DNAJC13: variants seen among roughly 807,000 people sequenced by gnomAD.
The protein encoded by DNAJC13 is DnaJ heat shock protein family (Hsp40) member C13.
DNAJC13 carries 75 observed loss-of-function variants against 290.5 expected under a neutral mutation model. The ratio of observed to expected loss-of-function variants is 0.26; its 90% CI spans 0.21 to 0.31. DNAJC13 has a LOEUF of 0.31. DNAJC13 is among the 10% of genes least tolerant of loss of function. The pLI, the probability that DNAJC13 is intolerant of heterozygous loss-of-function variation, is 1.00. For synonymous variants in DNAJC13, 862 were observed against 892.0 expected, an observed-to-expected ratio of 0.97 and a Z score of 0.60; for missense variants, 2,260 against 2,674.5, an observed-to-expected ratio of 0.85 and a Z score of 3.42.
At chr3:132,437,672 A>G (rs1939416677) in intron 2 of DNAJC13, among the ~76,000 whole-genome samples, 1 of 152,194 alleles carries the variant, frequency 6.6e-6, no homozygotes, top group Non-Finnish European at 1.5e-5. Flanking sequence ...TTGATCCTGT[A>G]TGCCTAACCT....
chr3:132,451,484 G>T (rs1356567251), intron 6 of DNAJC13, among the ~76,000 whole-genome samples: 1 of 152,084 alleles, frequency 6.6e-6, no homozygotes, highest in Non-Finnish European at 1.5e-5. Context: ...TATAACAGAA[G>T]CTACTTAAGG....
At chr3:132,454,336 T>G (rs1933518590) in intron 9 of DNAJC13, among the ~76,000 whole-genome samples, 179 bp downstream of exon 9, 1 of 144,980 alleles carries the variant, frequency 6.9e-6, no homozygotes. Context: ...TTTTTTTTTT[T>G]TTTGAGACAG....
Position 132,522,822 on chromosome 3 carries a change from G to A in DNAJC13, c.5674-6G>A, listed in dbSNP as rs369656958. 38 of 1,594,966 alleles carry A rather than the reference G, an allele frequency of 2.4e-5. No homozygotes were observed. Among genetic ancestry groups the A allele is most frequent in the African/African-American group, 2.0e-4 (15 of 73,752 alleles). On this transcript the variant is annotated splice_region_variant and splice_polypyrimidine_tract_variant and intron_variant, in intron 48 of 55. Transcript: ENST00000260818. ...GTCTTTTTCATTCTCAAACTTCCTC[G>A]TATAGGTTCGAATTACGTTAATGAA...
chr3:132,526,760 C>T (rs1489715819), intron 53 of DNAJC13, among the ~76,000 whole-genome samples: 2 of 152,082 alleles, frequency 1.3e-5, no homozygotes, highest in African/African-American at 4.8e-5. Context: ...CTAATGAAAA[C>T]TGGACTTGGT....
rs1934973764 is a variant in DNAJC13 at position 132,488,987 on chromosome 3, A to C, written c.3434A>C (p.Tyr1145Ser). 6.2e-7 allele frequency: 1 copy of C among 1,609,330 alleles called. No individual in the cohort carries two copies. The highest frequency in any genetic ancestry group is 1.3e-5 in the African/African-American group (1 of 74,820). Residue 1145 changes from tyrosine to serine, a missense_variant, in exon 31 of 56, where the codon TAC becomes TCC. Tyr to Ser is a moderately radical substitution (Grantham distance 144). This residue lies in a region of DNAJC13 where 1,494 missense variants were observed against 1,693.7 expected (regional missense o/e 0.88). Transcript: ENST00000260818. ...ATTTTTCTTTCTAGATTTTTGAAAT[A>C]CACACATACCAAACAGGCTTTCAAG... ...NVLPVARFLK[Y>S]THTKQAFKSE...
chr3:132,513,069 A>T lies in DNAJC13; in HGVS notation c.5355A>T (p.Gly1785=). ...KLIFSLLRVH[G]AGQVQQLALE... is the part of the protein sequence containing the mutation. ...TATTTTCTCTTCTCCGAGTTCATGG[A>T]GCTGGTCAAGTGCAGCAGTTGGCTT... Residue 1785 remains glycine (G), a synonymous_variant, in exon 45 of 56, where the codon GGA becomes GGT. Coordinates refer to ENST00000260818, the MANE Select transcript of DNAJC13 (RefSeq NM_015268.4). 6.2e-7 allele frequency: 1 copy of T among 1,613,350 alleles called. No homozygotes were observed.
At chr3:132,468,571 A>C (rs557337989) in intron 20 of DNAJC13, among the ~76,000 whole-genome samples, 1 of 152,308 alleles carries the variant, frequency 6.6e-6, no homozygotes, top group African/African-American at 2.4e-5. Context: ...TGAGTTGGTT[A>C]ACTTCTGAGC....
At chr3:132,431,771 G>C (rs948077511) in intron 1 of DNAJC13, among the ~76,000 whole-genome samples, 1 of 152,102 alleles carries the variant, frequency 6.6e-6, no homozygotes, top group Non-Finnish European at 1.5e-5. Flanking sequence ...GATAAAATAG[G>C]TATATCCATA....
chr3:132,529,649 T>C (rs1428589039), intron 54 of DNAJC13, among the ~76,000 whole-genome samples: 1 of 151,814 alleles, frequency 6.6e-6, no homozygotes, highest in African/African-American at 2.4e-5. Context: ...TAGCCAGGCG[T>C]GGTGGCAGGC....
intron 6 of DNAJC13, among the ~76,000 whole-genome samples, chr3:132,451,152 T>A (rs1052345305): frequency 6.6e-6 from 1 of 152,140 alleles, no homozygotes; most frequent in South Asian, 2.1e-4. Flanking sequence ...CCAAAAAGTT[T>A]CTAAGCTTTC....
intron 51 of DNAJC13, among the ~76,000 whole-genome samples, chr3:132,525,139 G>A (rs1367870606): frequency 1.3e-5 from 2 of 152,038 alleles, no homozygotes; most frequent in Non-Finnish European, 2.9e-5. Flanking sequence ...TCAGGAGTTC[G>A]AGACCAGCCT....
chr3:132,437,712 A>G (rs959787940), intron 2 of DNAJC13, among the ~76,000 whole-genome samples: 15 of 152,122 alleles, frequency 9.9e-5, no homozygotes, highest in African/African-American at 3.4e-4. Context: ...CTTGATTATT[A>G]TAGCTTTGTG....
At chr3:132,484,362 G>T in intron 28 of DNAJC13, 1 of 582,886 alleles carries the variant, frequency 1.7e-6, no homozygotes, top group Admixed American at 2.6e-5. Flanking sequence ...GGCTCTTCTA[G>T]GGTACTGTTT....
chr3:132,450,910 A>T, intron 6 of DNAJC13, 63 bp downstream of exon 6: 1 of 1,002,022 alleles, frequency 1.0e-6, no homozygotes, highest in Non-Finnish European at 1.4e-6. Context: ...AAGGAAAGCA[A>T]AGCTTTTTAT....
In DNAJC13 at chr3:132,440,790, G is replaced by A. The variant is rs529556469; in HGVS notation, c.69-5685G>A. Among the ~76,000 whole-genome samples, 9 of 152,158 alleles carry A rather than the reference G, an allele frequency of 5.9e-5. No homozygotes were observed. The East Asian group carries it at 7.7e-4, about 13-fold the overall frequency. On this transcript the variant is annotated intron_variant, in intron 2 of 55. Transcript: ENST00000260818. The stretch of plus-strand genomic sequence containing the variant: ...GAATTGATTCCCATTGTTAAGCAAC[G>A]CATGACTGTATGTATTATCCATATC...
At chr3:132,456,984 G>A (rs1311417474) in intron 12 of DNAJC13, 152 bp downstream of exon 12, 4 of 943,358 alleles carry the variant, frequency 4.2e-6, no homozygotes, top group Admixed American at 5.9e-5. Context: ...AAAAAGGAAG[G>A]TGAGGGCAGC....
intron 1 of DNAJC13, among the ~76,000 whole-genome samples, chr3:132,428,899 T>C (rs1478539501): frequency 6.7e-6 from 1 of 150,318 alleles, no homozygotes; most frequent in African/African-American, 2.5e-5. Context: ...CACGCCTGGC[T>C]AATTTTTGTA....
chr3:132,488,097 A>G (rs537848163), intron 29 of DNAJC13, among the ~76,000 whole-genome samples: 2 of 152,238 alleles, frequency 1.3e-5, no homozygotes, highest in African/African-American at 2.4e-5. Context: ...TCAATTCTCA[A>G]TTGATGTTCT....
chr3:132,458,991 T>C (rs1044971623), intron 13 of DNAJC13, among the ~76,000 whole-genome samples: 1 of 152,220 alleles, frequency 6.6e-6, no homozygotes, highest in African/African-American at 2.4e-5. Context: ...TTAACAGGCC[T>C]TGTCAAGCTG....
Sources: gnomAD v4.1 joint callset for allele counts (sites outside exome capture counted in the v4.1 genomes callset) on GRCh38, gnomAD v4.1.1 for gene constraint, gnomAD v4.1.1 regional missense constraint, MANE v1.5 for transcripts, NCBI Gene and HGNC (gene_info 2026-07-23, HGNC 2026-07-21) for gene names.